ELMO1: variants seen among roughly 807,000 people sequenced by gnomAD.
ELMO1 encodes engulfment and cell motility 1, also known as engulfment and cell motility protein 1.
ELMO1 carries 26 observed loss-of-function variants against 98.9 expected under a neutral mutation model. The ratio of observed to expected loss-of-function variants is 0.26; its 90% CI spans 0.19 to 0.36. ELMO1 has a LOEUF of 0.36. ELMO1 is among the 10% of genes least tolerant of loss of function. ELMO1 has a pLI of 1.00. For synonymous variants in ELMO1, 346 were observed against 346.0 expected (o/e 1.00, Z 0.00); for missense variants, 627 against 935.2 (o/e 0.67, Z 4.30).
At chr7:37,339,691 A>G (rs1367934327) in intron 2 of ELMO1, among the ~76,000 whole-genome samples, 4 of 152,120 alleles carry the variant, frequency 2.6e-5, no homozygotes, top group African/African-American at 9.7e-5. Flanking sequence ...CATAAGTCTC[A>G]TTGTAATTCC....
At chr7:37,259,512 C>A (rs1236297299) in intron 5 of ELMO1, among the ~76,000 whole-genome samples, 162 bp from the exon 6 acceptor site, 2 of 152,186 alleles carry the variant, frequency 1.3e-5, no homozygotes, top group Non-Finnish European at 2.9e-5. Context: ...GGCTTCCAAC[C>A]CAAACACTCC....
At chr7:37,403,005 G>C (rs1256242262) in intron 1 of ELMO1, among the ~76,000 whole-genome samples, 1 of 152,178 alleles carries the variant, frequency 6.6e-6, no homozygotes. Context: ...CAAATGTTTA[G>C]AGCATTCTTC....
At chr7:37,370,625 A>G (rs73348014) in intron 1 of ELMO1, among the ~76,000 whole-genome samples, 1 of 152,172 alleles carries the variant, frequency 6.6e-6, no homozygotes, top group Non-Finnish European at 1.5e-5. Flanking sequence ...CAGGCATTTC[A>G]TGAAAAAACA....
At chr7:36,907,035 G>A (rs151205355) in intron 16 of ELMO1, among the ~76,000 whole-genome samples, 4 of 152,220 alleles carry the variant, frequency 2.6e-5, no homozygotes, top group Middle Eastern at 3.4e-3. Context: ...AAGAGACCAT[G>A]CTTCATTTGT....
chr7:37,126,994 C>T (rs1324690560), intron 14 of ELMO1, among the ~76,000 whole-genome samples: 1 of 152,068 alleles, frequency 6.6e-6, no homozygotes, highest in African/African-American at 2.4e-5. Context: ...TATTGTTGGG[C>T]GTTAAATGTT....
chr7:37,218,198 T>G (rs1001100845), intron 10 of ELMO1, among the ~76,000 whole-genome samples: 4 of 152,136 alleles, frequency 2.6e-5, no homozygotes, highest in African/African-American at 9.7e-5. Context: ...TGCTCATAAA[T>G]AAAGACGGAA....
intron 1 of ELMO1, among the ~76,000 whole-genome samples, chr7:37,430,969 A>T (rs1430908359): frequency 6.6e-6 from 1 of 152,234 alleles, no homozygotes. Flanking sequence ...CGCAACAGGC[A>T]CAAAGCCTGA....
intron 14 of ELMO1, among the ~76,000 whole-genome samples, chr7:37,126,153 G>A (rs1336529790): frequency 2.0e-5 from 3 of 151,902 alleles, no homozygotes; most frequent in Non-Finnish European, 4.4e-5. Flanking sequence ...GATGTGGGGT[G>A]GGAGGAGTGG....
At chr7:37,217,384 T>C (rs1282935249) in intron 10 of ELMO1, among the ~76,000 whole-genome samples, 4 of 152,016 alleles carry the variant, frequency 2.6e-5, no homozygotes, top group Non-Finnish European at 4.4e-5. Flanking sequence ...TAAGGGAAAA[T>C]AGTATATCAA....
intron 15 of ELMO1, chr7:37,033,492 TA>T (rs35858298): frequency 0.23 from 81,502 of 356,788 alleles, 659 homozygotes; most frequent in South Asian, 0.31. Flanking sequence ...TGTTTAGTGT[TA>T]AAAAAAAAAA....
chr7:36,955,542 G>C (rs1357706279), intron 16 of ELMO1, among the ~76,000 whole-genome samples: 1 of 152,148 alleles, frequency 6.6e-6, no homozygotes, highest in Non-Finnish European at 1.5e-5. Flanking sequence ...GAATATCTTG[G>C]AGTATGTAAG....
At chr7:36,913,319 A>G (rs1231775518) in intron 16 of ELMO1, among the ~76,000 whole-genome samples, 1 of 152,190 alleles carries the variant, frequency 6.6e-6, no homozygotes, top group East Asian at 1.9e-4. Flanking sequence ...ATTAGAGGAG[A>G]GGAATGTCAA....
chr7:37,386,412 T>C (rs1159933550), intron 1 of ELMO1, among the ~76,000 whole-genome samples: 1 of 151,858 alleles, frequency 6.6e-6, no homozygotes, highest in Non-Finnish European at 1.5e-5. Context: ...TGTCTCCCCA[T>C]AGTCCTTACA....
At chr7:37,079,953 A>G (rs1383735621) in intron 15 of ELMO1, among the ~76,000 whole-genome samples, 2 of 152,180 alleles carry the variant, frequency 1.3e-5, no homozygotes, top group African/African-American at 2.4e-5. Flanking sequence ...AGACACATAT[A>G]TCCAACTATG....
chr7:37,233,254 G>T, intron 7 of ELMO1, 60 bp from the exon 8 acceptor site: 1 of 1,463,786 alleles, frequency 6.8e-7, no homozygotes, highest in Non-Finnish European at 9.3e-7. Flanking sequence ...AGACACAGAA[G>T]CAAGAAAGTT....
intron 15 of ELMO1, among the ~76,000 whole-genome samples, chr7:37,073,392 G>A (rs1418422610): frequency 6.6e-6 from 1 of 152,104 alleles, no homozygotes; most frequent in Non-Finnish European, 1.5e-5. Context: ...GATAATGTGA[G>A]GATACAAATA....
Position 37,364,211 on chromosome 7 carries a change from C to A in ELMO1, c.-73-21448G>T, listed in dbSNP as rs142686870. On this transcript the variant is annotated intron_variant, in intron 1 of 21. Transcript: ENST00000310758. ...CCTCAATCAGTGTTTACCTCAGAAC[C>A]AAAGACTCTAAGCAGTTTTCATCTA... 6.8e-3 allele frequency among the ~76,000 whole-genome samples: 1,031 copies of A among 152,292 alleles called. 17 individuals carry two copies. Among genetic ancestry groups the A allele is most frequent in the African/African-American group, 0.023 (974 of 41,556 alleles).
intron 16 of ELMO1, among the ~76,000 whole-genome samples, chr7:36,911,708 G>T (rs139456402): frequency 3.7e-4 from 56 of 152,258 alleles, no homozygotes; most frequent in Non-Finnish European, 6.2e-4. Context: ...TGCAGAATCT[G>T]TCCCTTCCTC....
intron 14 of ELMO1, among the ~76,000 whole-genome samples, chr7:37,100,316 T>G (rs1353759898): frequency 6.6e-6 from 1 of 152,244 alleles, no homozygotes; most frequent in Non-Finnish European, 1.5e-5. Flanking sequence ...TGACCAAAGC[T>G]GCTGCAGTGT....
Sources: allele counts gnomAD v4.1 joint callset (sites outside exome capture counted in the v4.1 genomes callset), GRCh38; gene constraint gnomAD v4.1.1; transcripts MANE v1.5; gene names NCBI Gene and HGNC (gene_info 2026-07-23, HGNC 2026-07-21).